RGS3: variants seen among roughly 807,000 people sequenced by gnomAD.
RGS3 encodes regulator of G protein signaling 3.
RGS3 carries 80 observed loss-of-function variants against 132.6 expected under a neutral mutation model. That is an observed-to-expected ratio of 0.60 (90% CI 0.50 to 0.73). The LOEUF (loss-of-function observed/expected upper bound fraction) is 0.73, where lower values mean the gene tolerates loss of function less well. Ranked by LOEUF, RGS3 falls within the 30% of genes least tolerant of loss-of-function variation. The pLI, the probability that RGS3 is intolerant of heterozygous loss-of-function variation, is 0.00. For synonymous variants in RGS3, 598 were observed against 620.6 expected (o/e 0.96, Z 0.54); for missense variants, 1,382 against 1,530.8 (o/e 0.90, Z 1.62).
At chr9:113,465,326 C>A (rs1244928711) in intron 3 of RGS3, among the ~76,000 whole-genome samples, 1 of 152,108 alleles carries the variant, frequency 6.6e-6, no homozygotes, top group Non-Finnish European at 1.5e-5. Flanking sequence ...GTGTTTACTG[C>A]TGAAAACTTA....
chr9:113,463,698 C>G lies in RGS3; in HGVS notation c.415+1497C>G. The G allele has an allele frequency of 7.0e-7, 1 of 1,436,122 alleles. No individual in the cohort carries two copies. Among genetic ancestry groups the G allele is most frequent in the Non-Finnish European group, 9.1e-7 (1 of 1,096,548 alleles). The allele number at this position is 1,436,122 out of a possible 1,614,324, so 89.0% of individuals were successfully genotyped here. A position where few individuals can be genotyped will look rare whatever the true frequency, so the allele number is the denominator to read the frequency against. On this transcript the variant is annotated intron_variant, in intron 3 of 24. Transcript: ENST00000350696. This position sits in a 1 kb window ranked among gnomAD's most constrained non-coding sequence, Gnocchi z 4.6. ...GGCCGTTCCAACGCTTGGGGCAGCC[C>G]TACCTCCCGCTCGCGCTCCTCCCGC...
At chr9:113,586,377 G>A (rs1835119582) in intron 20 of RGS3, among the ~76,000 whole-genome samples, 1 of 152,210 alleles carries the variant, frequency 6.6e-6, no homozygotes, top group Non-Finnish European at 1.5e-5. Context: ...TCATATGTAT[G>A]CATTTATCTA....
At chr9:113,570,259 G>A (rs1284522857) in intron 19 of RGS3, 2 of 152,234 alleles carry the variant, frequency 1.3e-5, no homozygotes, top group African/African-American at 2.4e-5. Flanking sequence ...ATAGGTGGCT[G>A]TTATTAAATG....
Position 113,507,427 on chromosome 9 carries a change from A to T in RGS3, c.1226A>T (p.Asn409Ile), listed in dbSNP as rs750377701. The T allele has an allele frequency of 6.2e-7, 1 of 1,613,916 alleles. No individual in the cohort carries two copies. ...TCACCCCCCAACAAACGGGAGAAGA[A>T]CTGCACCCATGGGGTCCAGGCACGG... The change falls in exon 13 of 25, where the codon AAC becomes ATC. Residue 409 changes from asparagine to isoleucine, a missense_variant. Transcript: ENST00000350696. The surrounding 1 kb of genome is among the most constrained non-coding windows in gnomAD (Gnocchi z 5.0).
chr9:113,486,479 A>G (rs998596032), intron 7 of RGS3, among the ~76,000 whole-genome samples: 2 of 152,236 alleles, frequency 1.3e-5, no homozygotes, highest in African/African-American at 2.4e-5. Context: ...TGAAGTGGCC[A>G]TTAGTGACGG....
At chr9:113,515,558 G>T (rs576362218) in intron 15 of RGS3, among the ~76,000 whole-genome samples, 1 of 151,258 alleles carries the variant, frequency 6.6e-6, no homozygotes, top group Admixed American at 6.6e-5. Flanking sequence ...TTGAACCTGG[G>T]GGGTGGAGGT....
chr9:113,526,177 G>A (rs1225287408), intron 17 of RGS3, among the ~76,000 whole-genome samples: 1 of 152,230 alleles, frequency 6.6e-6, no homozygotes, highest in African/African-American at 2.4e-5. Context: ...TGTCTCAGAA[G>A]TGGCCTGGAA....
chr9:113,496,048 G>T (rs1204138434), intron 8 of RGS3, among the ~76,000 whole-genome samples: 1 of 152,184 alleles, frequency 6.6e-6, no homozygotes, highest in Non-Finnish European at 1.5e-5. Flanking sequence ...TTCTTGGTTT[G>T]TCTTGCCAGA....
chr9:113,580,679 G>C (rs1424410489), intron 19 of RGS3: 1 of 430,048 alleles, frequency 2.3e-6, no homozygotes, highest in Non-Finnish European at 3.1e-6. Flanking sequence ...GATCTCTCTG[G>C]GTAGGTGCCC....
At chr9:113,538,558 T>C (rs1832777220) in intron 19 of RGS3, among the ~76,000 whole-genome samples, 1 of 152,218 alleles carries the variant, frequency 6.6e-6, no homozygotes, top group African/African-American at 2.4e-5. Context: ...TCTCTCCATC[T>C]TCAGGTTTGG....
intron 1 of RGS3, among the ~76,000 whole-genome samples, chr9:113,451,222 T>A (rs1829236696): frequency 6.7e-6 from 1 of 149,962 alleles, no homozygotes; most frequent in Non-Finnish European, 1.5e-5. Context: ...AGGCCTTCAG[T>A]GATTGGAAAG....
chr9:113,472,607 A>G (rs1225658039), intron 3 of RGS3, among the ~76,000 whole-genome samples: 2 of 152,226 alleles, frequency 1.3e-5, no homozygotes, highest in Admixed American at 6.5e-5. Flanking sequence ...GTGGTTGACA[A>G]GGGCTGAGGG....
intron 3 of RGS3, among the ~76,000 whole-genome samples, chr9:113,465,524 A>G (rs1434899411): frequency 4.0e-5 from 6 of 150,164 alleles, no homozygotes; most frequent in African/African-American, 1.5e-4. Context: ...AATTGAGATC[A>G]AGTTTGTATG....
intron 5 of RGS3, among the ~76,000 whole-genome samples, chr9:113,483,764 C>T (rs927535783): frequency 6.6e-6 from 1 of 152,188 alleles, no homozygotes; most frequent in African/African-American, 2.4e-5. Flanking sequence ...AGAGGCTGAC[C>T]TGGAGCCTTC....
chr9:113,528,368 C>T (rs1832312501), intron 17 of RGS3, among the ~76,000 whole-genome samples: 1 of 152,136 alleles, frequency 6.6e-6, no homozygotes, highest in African/African-American at 2.4e-5. Flanking sequence ...GAGGGAGGGA[C>T]CAGGCTGCTT....
At chr9:113,486,575 A>G (rs928327763) in intron 7 of RGS3, among the ~76,000 whole-genome samples, 1 of 152,210 alleles carries the variant, frequency 6.6e-6, no homozygotes, top group African/African-American at 2.4e-5. Flanking sequence ...GCCATGGCCC[A>G]CTGTTAGCGG....
chr9:113,458,016 A>C (rs752972248), upstream of RGS3, among the ~76,000 whole-genome samples: 19 of 152,230 alleles, frequency 1.2e-4, no homozygotes, highest in Non-Finnish European at 2.4e-4. Context: ...TTCATAGACC[A>C]ATTTGACTGA....
At chr9:113,553,459 A>AAAAAAAAAAAAAAATAT (rs1426114805) in intron 19 of RGS3, among the ~76,000 whole-genome samples, 7 of 58,692 alleles carry the variant, frequency 1.2e-4, no homozygotes, top group Non-Finnish European at 1.8e-4. Flanking sequence ...AAAAAAAAAA[A>AAAAAAAAAAAAAAATAT]ATATATATAT....
exon 6 of RGS3, chr9:113,484,218 C>G (rs542813496): frequency 6.2e-7 from 1 of 1,603,806 alleles, no homozygotes; most frequent in Non-Finnish European, 8.5e-7. Flanking sequence ...CGGCTTTCCA[C>G]GAGCACTTCT....
Sources: gnomAD v4.1 joint callset for allele counts (sites outside exome capture counted in the v4.1 genomes callset) on GRCh38, gnomAD v4.1.1 for gene constraint, Gnocchi (gnomAD v3.1) non-coding constraint, MANE v1.5 for transcripts, NCBI Gene and HGNC (gene_info 2026-07-23, HGNC 2026-07-21) for gene names.